The following FMR1NB variants were observed in gnomAD, a reference collection of about 807,000 sequenced individuals.
FMR1NB encodes the protein FMR1 neighbor protein.
FMR1NB carries 10 observed loss-of-function variants against 16.8 expected under a neutral mutation model. The observed-to-expected ratio is 0.60, with a 90% confidence interval of 0.37 to 1.01. FMR1NB has a LOEUF of 1.01. Ranked by LOEUF, FMR1NB falls within the 50% of genes least tolerant of loss-of-function variation. The probability of loss-of-function intolerance (pLI) is 0.01; values close to 1 mark genes in which losing one functional copy is unlikely to be tolerated. For missense variants in FMR1NB, 205 were observed against 204.8 expected (o/e 1.00, Z 0.00); for synonymous variants, 83 against 79.1 (o/e 1.05, Z -0.26).
At chrX:148,001,051 C>T (rs1441942024) in intron 1 of FMR1NB, among the ~76,000 whole-genome samples, 1 of 111,916 alleles carries the variant, frequency 8.9e-6, no homozygotes, top group African/African-American at 3.2e-5. Context: ...CAATAGCTCT[C>T]TTACATACCA....
chrX:148,003,261 G>A lies in FMR1NB; in HGVS notation c.338G>A (p.Gly113Asp). 1 of 1,210,303 alleles carries A rather than the reference G, an allele frequency of 8.3e-7. No homozygotes were observed. The highest frequency in any genetic ancestry group is 1.1e-6 in the Non-Finnish European group (1 of 894,235). Residue 113 changes from glycine (G) to aspartate (D), a missense_variant, in exon 2 of 6, where the codon GGC (glycine) becomes GAC (aspartate). Physicochemically the swap from Gly to Asp is moderately conservative, Grantham distance 94. Transcript: ENST00000370467. ...CTGCCCAACAGTGAAAATGCTCATG[G>A]CCAATCTCTGGAAGAAGATTCCGCA... ...HILPNSENAH[G>D]QSLEEDSALE...
chrX:148,013,005 T>A (rs2044632581), intron 4 of FMR1NB, among the ~76,000 whole-genome samples: 1 of 111,836 alleles, frequency 8.9e-6, no homozygotes, highest in African/African-American at 3.2e-5. Context: ...TTGAAAAGTA[T>A]GACTAGGCTG....
At chrX:147,994,190 C>G (rs782496590) in intron 1 of FMR1NB, among the ~76,000 whole-genome samples, 2 of 111,392 alleles carry the variant, frequency 1.8e-5, no homozygotes, top group African/African-American at 6.5e-5. Flanking sequence ...TCTCCCTGCT[C>G]TCCCTAGAGG....
intron 4 of FMR1NB, among the ~76,000 whole-genome samples, chrX:148,010,346 C>T (rs1243317819): frequency 8.9e-6 from 1 of 112,212 alleles, no homozygotes; most frequent in Non-Finnish European, 1.9e-5. Flanking sequence ...CATCTTGCTG[C>T]TTAGCTGAAT....
At chrX:147,982,568 G>C (rs797034418) in intron 1 of FMR1NB, among the ~76,000 whole-genome samples, 1 of 87,364 alleles carries the variant, frequency 1.1e-5, no homozygotes, top group African/African-American at 4.6e-5. Context: ...CAGCCTGGGC[G>C]ACAGAGCGAG....
chrX:147,998,055 A>G (rs1284856714), intron 1 of FMR1NB, among the ~76,000 whole-genome samples: 11 of 112,448 alleles, frequency 9.8e-5, no homozygotes, highest in African/African-American at 3.6e-4. Flanking sequence ...GCAATTCCTC[A>G]AGTATCTAGA....
intron 4 of FMR1NB, among the ~76,000 whole-genome samples, chrX:148,009,643 G>A (rs1460902433): frequency 9.1e-6 from 1 of 110,475 alleles, no homozygotes; most frequent in Non-Finnish European, 1.9e-5. Context: ...CTCACTCTCA[G>A]GTTTGTGCGC....
intron 2 of FMR1NB, among the ~76,000 whole-genome samples, chrX:148,003,636 G>A (rs1392998602): frequency 3.6e-5 from 4 of 112,141 alleles, no homozygotes; most frequent in Admixed American, 1.9e-4. Context: ...TTGCCTGAAT[G>A]GCATTGCCTG....
In FMR1NB at chrX:147,981,493, T is replaced by G; in HGVS notation, c.91T>G (p.Leu31Val). Reference sequence around the variant, plus strand: ...TCACTTAGAGCTGGCAACTTATGAGTTGGCGGCAACTGAGTCGAATCCCGA... The same window carrying G: ...TCACTTAGAGCTGGCAACTTATGAGGTGGCGGCAACTGAGTCGAATCCCGA... ...VAHLELATYE[L>V]AATESNPESS... Residue 31 changes from leucine (L) to valine (V), a missense_variant, in exon 1 of 6, where the codon TTG (leucine) becomes GTG (valine). By Grantham distance (32) the Leu-to-Val change is conservative (BLOSUM62 1). Coordinates refer to ENST00000370467, the MANE Select transcript of FMR1NB (RefSeq NM_152578.3). 1 of 1,211,409 alleles carries G rather than the reference T, an allele frequency of 8.3e-7. No homozygotes were observed. Among genetic ancestry groups the G allele is most frequent in the Non-Finnish European group, 1.1e-6 (1 of 895,374 alleles).
At chrX:148,010,526 A>G (rs1364821116) in intron 4 of FMR1NB, among the ~76,000 whole-genome samples, 1 of 112,161 alleles carries the variant, frequency 8.9e-6, no homozygotes, top group Non-Finnish European at 1.9e-5. Flanking sequence ...ATATCTCCTT[A>G]GAACGATTTC....
chrX:147,998,471 G>A lies in FMR1NB; in HGVS notation c.278-4730G>A, dbSNP rs781923901. Among the ~76,000 whole-genome samples the A allele has an allele frequency of 8.9e-5, 10 of 111,848 alleles. No homozygotes were observed. The South Asian group carries it at 3.4e-3, about 39-fold the overall frequency. ...GCCTGTCAGGGGGTGGGGGGCTAGAGGAGGGAGAGCATTAGGAGAAATACC... is the reference window on the plus strand; with the variant it reads ...GCCTGTCAGGGGGTGGGGGGCTAGAAGAGGGAGAGCATTAGGAGAAATACC... On this transcript the variant is annotated intron_variant, in intron 1 of 5. Coordinates refer to ENST00000370467, the MANE Select transcript of FMR1NB (RefSeq NM_152578.3).
intron 1 of FMR1NB, among the ~76,000 whole-genome samples, chrX:147,992,994 T>G (rs1285174173): frequency 2.9e-5 from 3 of 104,842 alleles, no homozygotes; most frequent in Non-Finnish European, 5.9e-5. Flanking sequence ...GCAGAGACAC[T>G]CCTCACTTCC....
chrX:147,993,190 G>A (rs918345123), intron 1 of FMR1NB, among the ~76,000 whole-genome samples: 2 of 113,172 alleles, frequency 1.8e-5, no homozygotes, highest in African/African-American at 3.2e-5. Flanking sequence ...CGAGGTTGGC[G>A]GATCACTCGC....
rs2044579847 is a variant in FMR1NB, at chrX:148,003,236, C to A, written c.313C>A (p.Leu105Met). 8.3e-7 allele frequency: 1 copy of A among 1,208,161 alleles called. No individual in the cohort carries two copies. The highest frequency in any genetic ancestry group is 1.7e-5 in the African/African-American group (1 of 57,243). The change falls in exon 2 of 6, where the codon CTG (leucine) becomes ATG (methionine). Residue 105 changes from leucine to methionine, a missense_variant. Coordinates refer to ENST00000370467, the MANE Select transcript of FMR1NB (RefSeq NM_152578.3). ...SYFVLANGHILPNSENAHGQS... is the reference protein window; with the variant it reads ...SYFVLANGHIMPNSENAHGQS... ...TTTTGTGCTTGCAAATGGACATATC[C>A]TGCCCAACAGTGAAAATGCTCATGG...
At chrX:148,006,020 T>C in intron 2 of FMR1NB, among the ~76,000 whole-genome samples, 1 of 111,996 alleles carries the variant, frequency 8.9e-6, no homozygotes, top group Non-Finnish European at 1.9e-5. Flanking sequence ...CTTTTTAGTT[T>C]GTATTTGTTT....
At chrX:148,004,495 A>C (rs55967043) in intron 2 of FMR1NB, among the ~76,000 whole-genome samples, 580 of 112,641 alleles carry the variant, frequency 5.1e-3, no homozygotes, top group African/African-American at 0.018. Context: ...GTTCCATTTT[A>C]ATAGAAACAT....
At chrX:148,014,880 A>G (rs1334717828) in intron 4 of FMR1NB, among the ~76,000 whole-genome samples, 1 of 111,800 alleles carries the variant, frequency 8.9e-6, no homozygotes, top group Non-Finnish European at 1.9e-5. Flanking sequence ...CCTGAGCTCA[A>G]GGAATCCACC....
chrX:148,018,840 A>C (rs1190725034), intron 4 of FMR1NB, among the ~76,000 whole-genome samples: 2 of 111,854 alleles, frequency 1.8e-5, no homozygotes, highest in African/African-American at 6.5e-5. Context: ...TAATTAAACT[A>C]AAGAGCTTCT....
Position 148,024,895 on chromosome X carries a change from C to A in FMR1NB, c.663C>A (p.Asp221Glu). 1 of 1,210,059 alleles carries A rather than the reference C, an allele frequency of 8.3e-7. No homozygotes were observed. The highest frequency in any genetic ancestry group is 1.8e-5 in the South Asian group (1 of 56,747). Residue 221 changes from aspartate (D) to glutamate (E), a missense_variant, in exon 5 of 6, where the codon GAC becomes GAA. Coordinates refer to ENST00000370467, the MANE Select transcript of FMR1NB (RefSeq NM_152578.3). Reference protein sequence around the residue: ...SEPADDLQRQDNRVVTGLKKQ... With the variant: ...SEPADDLQRQENRVVTGLKKQ... The stretch of plus-strand genomic sequence containing the variant: ...CGGCCGATGATTTACAAAGGCAGGA[C>A]AACAGAGTTGTAACGGGTTTGAAGA...
Sources: allele counts gnomAD v4.1 joint callset (sites outside exome capture counted in the v4.1 genomes callset), GRCh38; gene constraint gnomAD v4.1.1; transcripts MANE v1.5; gene names NCBI Gene and HGNC (gene_info 2026-07-23, HGNC 2026-07-21).